CCBE1: variants seen among roughly 807,000 people sequenced by gnomAD.
The protein encoded by CCBE1 is collagen and calcium-binding EGF domain-containing protein 1.
Under a neutral mutation model 50.0 loss-of-function variants are expected in CCBE1, and 37 were observed. The ratio of observed to expected loss-of-function variants is 0.74; its 90% CI spans 0.57 to 0.97. CCBE1 has a LOEUF of 0.97. CCBE1 is among the 50% of genes least tolerant of loss of function. The pLI is 0.00. For missense variants in CCBE1, 538 were observed against 523.8 expected (o/e 1.03, Z -0.26); for synonymous variants, 234 against 203.7 (o/e 1.15, Z -1.27).
chr18:59,580,358 G>A (rs934327267), intron 2 of CCBE1, among the ~76,000 whole-genome samples: 8 of 152,154 alleles, frequency 5.3e-5, no homozygotes, highest in Non-Finnish European at 5.9e-5. Context: ...TTTCCAGACC[G>A]AAACAATGTT....
At chr18:59,487,636 A>C (rs958497415) in intron 2 of CCBE1, among the ~76,000 whole-genome samples, 3 of 152,192 alleles carry the variant, frequency 2.0e-5, no homozygotes, top group Non-Finnish European at 4.4e-5. Flanking sequence ...CACCACCACC[A>C]AAACCTGCCT....
chr18:59,458,611 G>A (rs1043882086), intron 5 of CCBE1, among the ~76,000 whole-genome samples: 2 of 152,204 alleles, frequency 1.3e-5, no homozygotes, highest in African/African-American at 4.8e-5. Context: ...GAGAGAGACA[G>A]TAACTTGCCT....
At chr18:59,654,117 C>A (rs1054900560) in intron 2 of CCBE1, among the ~76,000 whole-genome samples, 3 of 152,126 alleles carry the variant, frequency 2.0e-5, no homozygotes, top group African/African-American at 7.2e-5. Context: ...GTTTAATGGC[C>A]AAGTACTGAT....
At chr18:59,661,766 A>C (rs1470266823) in intron 2 of CCBE1, among the ~76,000 whole-genome samples, 1 of 152,156 alleles carries the variant, frequency 6.6e-6, no homozygotes, top group Non-Finnish European at 1.5e-5. Flanking sequence ...CCAGGAGTTC[A>C]AGACCAGTCT....
chr18:59,627,804 C>T (rs1438613152), intron 2 of CCBE1, among the ~76,000 whole-genome samples: 6 of 152,316 alleles, frequency 3.9e-5, no homozygotes, highest in African/African-American at 1.4e-4. Flanking sequence ...ACCTTCAGAA[C>T]TATGAGGATA....
intron 2 of CCBE1, among the ~76,000 whole-genome samples, chr18:59,546,650 A>C (rs544295126): frequency 6.6e-6 from 1 of 152,244 alleles, no homozygotes; most frequent in African/African-American, 2.4e-5. Context: ...ACTAATTTGT[A>C]GAAACCTGTT....
chr18:59,630,399 C>G (rs1202969922), intron 2 of CCBE1, among the ~76,000 whole-genome samples: 1 of 152,140 alleles, frequency 6.6e-6, no homozygotes, highest in African/African-American at 2.4e-5. Flanking sequence ...GGTGTTGAAG[C>G]ACTGGCAATT....
intron 2 of CCBE1, among the ~76,000 whole-genome samples, chr18:59,663,678 A>G (rs998682946): frequency 1.3e-5 from 2 of 152,154 alleles, no homozygotes; most frequent in Non-Finnish European, 2.9e-5. Flanking sequence ...GTCAGAAGGA[A>G]GACAATTCAG....
chr18:59,564,552 A>T (rs1173759767), intron 2 of CCBE1, among the ~76,000 whole-genome samples: 1 of 152,252 alleles, frequency 6.6e-6, no homozygotes, highest in Non-Finnish European at 1.5e-5. Context: ...TGTCTTCAGT[A>T]CTTTCTTTGT....
chr18:59,508,172 T>G (rs922256518), intron 2 of CCBE1, among the ~76,000 whole-genome samples: 1 of 150,642 alleles, frequency 6.6e-6, no homozygotes, highest in Non-Finnish European at 1.5e-5. Context: ...ATTACAGGCA[T>G]GAGCCACTGC....
chr18:59,535,645 T>C (rs1423387235), intron 2 of CCBE1, among the ~76,000 whole-genome samples: 2 of 152,186 alleles, frequency 1.3e-5, no homozygotes, highest in African/African-American at 4.8e-5. Flanking sequence ...ACCCAAATGT[T>C]CAACAGAATA....
At chr18:59,591,445 G>C (rs970421923) in intron 2 of CCBE1, among the ~76,000 whole-genome samples, 6 of 151,924 alleles carry the variant, frequency 3.9e-5, no homozygotes, top group Non-Finnish European at 5.9e-5. Context: ...ACAAATTAAA[G>C]GCTGATATCC....
At chr18:59,655,133 C>G (rs1016613388) in intron 2 of CCBE1, among the ~76,000 whole-genome samples, 1 of 151,642 alleles carries the variant, frequency 6.6e-6, no homozygotes, top group Non-Finnish European at 1.5e-5. Flanking sequence ...CATGACCCAG[C>G]CTTGTGACTA....
intron 2 of CCBE1, among the ~76,000 whole-genome samples, chr18:59,525,599 G>C (rs919826963): frequency 6.6e-6 from 1 of 152,188 alleles, no homozygotes; most frequent in African/African-American, 2.4e-5. Context: ...AGTTTAATTA[G>C]ATCCCATTTG....
chr18:59,531,397 C>T (rs1302946829), intron 2 of CCBE1, among the ~76,000 whole-genome samples: 2 of 151,988 alleles, frequency 1.3e-5, no homozygotes, highest in Non-Finnish European at 2.9e-5. Context: ...CAAAGCAAGT[C>T]TCTTATTAGA....
chr18:59,600,932 C>T (rs759046007), intron 2 of CCBE1, among the ~76,000 whole-genome samples: 1 of 150,194 alleles, frequency 6.7e-6, no homozygotes, highest in Non-Finnish European at 1.5e-5. Context: ...TTTCTAAACC[C>T]ATTTCCCTTG....
intron 2 of CCBE1, among the ~76,000 whole-genome samples, chr18:59,490,387 C>CTTTTT (rs11379621): frequency 1.6e-3 from 222 of 141,790 alleles, no homozygotes; most frequent in African/African-American, 5.5e-3. Context: ...GATATTCCCC[C>CTTTTT]TTTTTTTTTT....
intron 5 of CCBE1, among the ~76,000 whole-genome samples, chr18:59,455,753 C>T (rs564790318): frequency 7.2e-5 from 11 of 152,302 alleles, no homozygotes; most frequent in Non-Finnish European, 1.3e-4. Context: ...GCACAGACTG[C>T]CAAGGTCTGT....
At position 59,495,300 on chromosome 18, in the gene CCBE1, C is replaced by A. The variant is rs564572379; in HGVS notation, c.213-15062G>T. ...AACTGTGATTAACATGGTTAATCAC[C>A]GTTTATGTACTTTGGATAATCGGTT... On this transcript the variant is annotated intron_variant, in intron 2 of 10. Transcript: ENST00000439986. Among the ~76,000 whole-genome samples the A allele has an allele frequency of 2.2e-3, 337 of 151,766 alleles. 2 individuals are homozygous for A. Among genetic ancestry groups the A allele is most frequent in the African/African-American group, 7.8e-3 (322 of 41,378 alleles).
Sources: allele counts gnomAD v4.1 joint callset (sites outside exome capture counted in the v4.1 genomes callset), GRCh38; gene constraint gnomAD v4.1.1; transcripts MANE v1.5; gene names NCBI Gene and HGNC (gene_info 2026-07-23, HGNC 2026-07-21).